Variants in MACROH2A2 observed in about 807,000 individuals in gnomAD.
The protein encoded by MACROH2A2 is core histone macro-H2A.2.
MACROH2A2 carries 6 observed loss-of-function variants against 37.6 expected under a neutral mutation model. That is an observed-to-expected ratio of 0.16 (90% CI 0.09 to 0.32). The LOEUF (loss-of-function observed/expected upper bound fraction) is 0.32, where lower values mean the gene tolerates loss of function less well. Among genes scored for constraint, MACROH2A2 ranks in the 10% least tolerant of loss-of-function variants. The pLI, the probability that MACROH2A2 is intolerant of heterozygous loss-of-function variation, is 1.00. For missense variants in MACROH2A2, 290 were observed against 485.9 expected, an observed-to-expected ratio of 0.60 and a Z score of 3.79; for synonymous variants, 192 against 202.7, an observed-to-expected ratio of 0.95 and a Z score of 0.45.
At chr10:70,077,955 G>C (rs1589834145) in intron 2 of MACROH2A2, among the ~76,000 whole-genome samples, 1 of 152,302 alleles carries the variant, frequency 6.6e-6, no homozygotes, top group Non-Finnish European at 1.5e-5. Flanking sequence ...ACAGCTTCCA[G>C]ATGGGGAACT....
At chr10:70,072,352 GTC>G (rs2072115821) in intron 1 of MACROH2A2, among the ~76,000 whole-genome samples, 5 of 152,078 alleles carry the variant, frequency 3.3e-5, no homozygotes, top group African/African-American at 1.2e-4. Flanking sequence ...CAATAACACT[GTC>G]TTCCACCTTC....
chr10:70,072,901 G>T (rs1382000172), intron 1 of MACROH2A2, among the ~76,000 whole-genome samples: 2 of 152,160 alleles, frequency 1.3e-5, no homozygotes, highest in Non-Finnish European at 2.9e-5. Flanking sequence ...AAGTTGCAAT[G>T]AGCCGAGATT....
At chr10:70,101,904 G>A (rs79305248) in intron 7 of MACROH2A2, among the ~76,000 whole-genome samples, 3,519 of 152,146 alleles carry the variant, frequency 0.023, 52 homozygotes, top group Non-Finnish European at 0.031. Flanking sequence ...GGCTGTTTCC[G>A]CCTTTGGTGA....
In MACROH2A2 at chr10:70,090,079, C is replaced by T. The variant is rs372372655; in HGVS notation, c.192C>T (p.Ala64=). 317 of 1,613,104 alleles carry T rather than the reference C, an allele frequency of 2.0e-4. 1 individual carries two copies. In the South Asian group the frequency reaches 3.1e-3, roughly 16 times the overall value. Residue 64 remains alanine (A), a synonymous_variant, in exon 3 of 9, where the codon GCC becomes GCT. Coordinates refer to ENST00000373255, the MANE Select transcript of MACROH2A2 (RefSeq NM_018649.3). The part of the protein sequence containing the change: ...EYLAAEILEL[A]GNAARDNKKA... Reference sequence around the variant, plus strand: ...TTTCAGCGGAAATTCTAGAATTGGCCGGCAATGCCGCGAGGGACAACAAGA... The same window carrying T: ...TTTCAGCGGAAATTCTAGAATTGGCTGGCAATGCCGCGAGGGACAACAAGA...
At chr10:70,080,751 G>A (rs1034811618) in intron 2 of MACROH2A2, among the ~76,000 whole-genome samples, 7 of 151,672 alleles carry the variant, frequency 4.6e-5, no homozygotes, top group Admixed American at 4.6e-4. Context: ...GCATGGTGGT[G>A]CATGCCTGTA....
intron 7 of MACROH2A2, among the ~76,000 whole-genome samples, chr10:70,105,450 CAG>C (rs2072331692): frequency 6.6e-6 from 1 of 152,070 alleles, no homozygotes; most frequent in Non-Finnish European, 1.5e-5. Context: ...AGTGTGGAGA[CAG>C]AGGTGCAGCC....
chr10:70,086,519 T>G (rs1371958677), intron 2 of MACROH2A2, among the ~76,000 whole-genome samples: 1 of 152,208 alleles, frequency 6.6e-6, no homozygotes, highest in Non-Finnish European at 1.5e-5. Flanking sequence ...TGTCTGTGCA[T>G]CTGTCTGTCA....
intron 2 of MACROH2A2, among the ~76,000 whole-genome samples, chr10:70,081,228 A>G (rs924336610): frequency 6.6e-6 from 1 of 152,130 alleles, no homozygotes; most frequent in South Asian, 2.1e-4. Context: ...TGAGGATTAC[A>G]TAAAATAATG....
rs774816312 is a variant in MACROH2A2, at chr10:70,095,701, G to A, written c.636G>A (p.Val212=). 1.2e-6 allele frequency: 2 copies of A among 1,603,412 alleles called. No individual in the cohort carries two copies. The highest frequency in any genetic ancestry group is 1.1e-5 in the South Asian group (1 of 90,836). ...SDISHIGSMR[V]EGIVHPTTAE... ...TCAGCCATATTGGCTCCATGAGAGT[G>A]GAGGGCATTGTCCACCCAACCACAG... Residue 212 remains valine (V), a synonymous_variant, in exon 6 of 9, where the codon GTG becomes GTA. Transcript: ENST00000373255.
At chr10:70,081,698 G>A (rs1264213982) in intron 2 of MACROH2A2, among the ~76,000 whole-genome samples, 1 of 152,108 alleles carries the variant, frequency 6.6e-6, no homozygotes, top group Non-Finnish European at 1.5e-5. Flanking sequence ...TGGGAGGTAT[G>A]GACTGGGAGA....
At chr10:70,080,050 C>A (rs977391515) in intron 2 of MACROH2A2, among the ~76,000 whole-genome samples, 1 of 152,088 alleles carries the variant, frequency 6.6e-6, no homozygotes, top group Non-Finnish European at 1.5e-5. Context: ...GATGCAGAAG[C>A]GGGCAGATCA....
chr10:70,093,856 G>A lies in MACROH2A2; in HGVS notation c.588+11G>A, dbSNP rs2072260417. Reference sequence around the variant, plus strand: ...GTTCTGGGACAGAAGGTAACAAAGAGAATTGCCTTGTGCTATATTAAAACA... The same window carrying A: ...GTTCTGGGACAGAAGGTAACAAAGAAAATTGCCTTGTGCTATATTAAAACA... On this transcript the variant is annotated intron_variant, in intron 5 of 8. Coordinates refer to ENST00000373255, the MANE Select transcript of MACROH2A2 (RefSeq NM_018649.3). 7.1e-7 allele frequency: 1 copy of A among 1,407,342 alleles called. No individual in the cohort carries two copies. The highest frequency in any genetic ancestry group is 1.4e-5 in the African/African-American group (1 of 70,994). 87.2% of individuals were successfully genotyped at this position (1,407,342 alleles called of 1,614,324 possible).
intron 1 of MACROH2A2, among the ~76,000 whole-genome samples, chr10:70,054,785 G>A (rs2072004215): frequency 6.6e-6 from 1 of 152,112 alleles, no homozygotes; most frequent in African/African-American, 2.4e-5. Flanking sequence ...GGCACTGCCC[G>A]GCGGAAAAGT....
At chr10:70,074,909 C>A (rs940394563) in intron 1 of MACROH2A2, among the ~76,000 whole-genome samples, 1 of 152,180 alleles carries the variant, frequency 6.6e-6, no homozygotes, top group African/African-American at 2.4e-5. Context: ...TGGGCAAAGT[C>A]ATATAAGCCA....
chr10:70,097,103 C>G (rs2072280798), intron 6 of MACROH2A2, among the ~76,000 whole-genome samples: 1 of 152,068 alleles, frequency 6.6e-6, no homozygotes, highest in African/African-American at 2.4e-5. Context: ...GGTCTGGGAG[C>G]AAAAATTCAC....
intron 5 of MACROH2A2, among the ~76,000 whole-genome samples, chr10:70,094,964 A>AAG (rs2072266056): frequency 6.6e-6 from 1 of 152,136 alleles, no homozygotes; most frequent in Non-Finnish European, 1.5e-5. Flanking sequence ...CTGAGGGGAG[A>AAG]AGAGAGAGCA....
intron 2 of MACROH2A2, among the ~76,000 whole-genome samples, chr10:70,079,554 CG>C (rs2072161364): frequency 1.9e-5 from 2 of 107,346 alleles, no homozygotes; most frequent in African/African-American, 8.6e-5. Context: ...TGAGGGTTCG[CG>C]CGCGCGCGCG....
In MACROH2A2 at chr10:70,074,569, T is replaced by C. The variant is rs570030790; in HGVS notation, c.-59-1031T>C. Reference sequence around the variant, plus strand: ...CCCACCCAAATCTCATCTTGAATTATAGCTCCCATAATTCCCACATGTTGT... The same window carrying C: ...CCCACCCAAATCTCATCTTGAATTACAGCTCCCATAATTCCCACATGTTGT... On this transcript the variant is annotated intron_variant, in intron 1 of 8. Transcript: ENST00000373255. Among the ~76,000 whole-genome samples the C allele has an allele frequency of 4.6e-5, 7 of 152,356 alleles. No individual in the cohort carries two copies. The East Asian group carries it at 1.3e-3, about 29-fold the overall frequency.
intron 1 of MACROH2A2, among the ~76,000 whole-genome samples, chr10:70,054,624 G>A (rs1247883813): frequency 6.6e-6 from 1 of 152,174 alleles, no homozygotes; most frequent in Non-Finnish European, 1.5e-5. Context: ...CGTGTGTGTT[G>A]TTTTGAACCA....
Sources: gnomAD v4.1 joint callset for allele counts (sites outside exome capture counted in the v4.1 genomes callset) on GRCh38, gnomAD v4.1.1 for gene constraint, MANE v1.5 for transcripts, NCBI Gene and HGNC (gene_info 2026-07-23, HGNC 2026-07-21) for gene names.